The following SLC5A4 variants were observed in gnomAD, a reference collection of about 807,000 sequenced individuals.
SLC5A4 encodes the protein solute carrier family 5 member 4.
Under a neutral mutation model 70.3 loss-of-function variants are expected in SLC5A4, and 55 were observed. The observed-to-expected ratio is 0.78, with a 90% CI of 0.63 to 0.98. SLC5A4 has a LOEUF of 0.98. Among genes scored for constraint, SLC5A4 ranks in the 50% least tolerant of loss-of-function variants. The pLI, the probability that SLC5A4 is intolerant of heterozygous loss-of-function variation, is 0.00. For missense variants in SLC5A4, 735 were observed against 839.2 expected (o/e 0.88, Z 1.53); for synonymous variants, 268 against 305.7 (o/e 0.88, Z 1.29).
chr22:32,241,030 CAG>C (rs199676265), intron 5 of SLC5A4, among the ~76,000 whole-genome samples: 1,638 of 152,284 alleles, frequency 0.011, 34 homozygotes, highest in African/African-American at 0.033. Flanking sequence ...AATTAGATGA[CAG>C]GGTATTTCCG....
At chr22:32,347,327 C>T in the SLC5A4 span, among the ~76,000 whole-genome samples, 2 of 152,108 alleles carry the variant, frequency 1.3e-5, no homozygotes, top group East Asian at 3.9e-4. Context: ...ACTAGAAATA[C>T]CATTTGACCC....
intron 8 of SLC5A4, among the ~76,000 whole-genome samples, chr22:32,234,497 G>A (rs753280146): frequency 9.9e-5 from 15 of 152,090 alleles, no homozygotes; most frequent in Non-Finnish European, 2.2e-4. Context: ...TCAGGTGTTC[G>A]AGACCAGCCT....
At chr22:32,271,017 C>A in the SLC5A4 span, 8 of 541,616 alleles carry the variant, frequency 1.5e-5, no homozygotes, top group Admixed American at 2.8e-5. Context: ...GAGACTAGCC[C>A]CACAGTCGGT....
chr22:32,341,703 C>T, the SLC5A4 span, among the ~76,000 whole-genome samples: 1 of 152,144 alleles, frequency 6.6e-6, no homozygotes, highest in African/African-American at 2.4e-5. Context: ...CCTAAATGGC[C>T]CCTTATGTTC....
chr22:32,295,549 G>C, the SLC5A4 span, among the ~76,000 whole-genome samples: 3 of 105,530 alleles, frequency 2.8e-5, no homozygotes, highest in African/African-American at 1.0e-4. Flanking sequence ...GTAGATTCTG[G>C]ATATTAGCCC....
chr22:32,345,466 GT>G, the SLC5A4 span, among the ~76,000 whole-genome samples: 1 of 152,092 alleles, frequency 6.6e-6, no homozygotes, highest in Non-Finnish European at 1.5e-5. Flanking sequence ...TAGTTTGCAA[GT>G]TTTTTTCTTT....
At chr22:32,315,076 A>T in the SLC5A4 span, among the ~76,000 whole-genome samples, 2 of 152,232 alleles carry the variant, frequency 1.3e-5, no homozygotes, top group Non-Finnish European at 2.9e-5. Flanking sequence ...AAAAATGGTT[A>T]AAATGGTTAT....
intron 4 of SLC5A4, 35 bp from the exon 5 acceptor site, chr22:32,247,550 C>T (rs200355067): frequency 3.0e-6 from 4 of 1,318,838 alleles, no homozygotes; most frequent in East Asian, 2.3e-5. Flanking sequence ...ACTTAACTTA[C>T]CCTTAGGGCC....
the SLC5A4 span, among the ~76,000 whole-genome samples, chr22:32,335,949 T>G: frequency 1.3e-5 from 2 of 152,196 alleles, no homozygotes; most frequent in African/African-American, 4.8e-5. Context: ...AATGCCCGTG[T>G]TGGGAGACGT....
the SLC5A4 span, among the ~76,000 whole-genome samples, chr22:32,335,625 A>C: frequency 3.3e-5 from 5 of 152,270 alleles, no homozygotes; most frequent in African/African-American, 1.2e-4. Flanking sequence ...GCCCAAGGAC[A>C]CACAGCTGGG....
the SLC5A4 span, among the ~76,000 whole-genome samples, chr22:32,291,641 G>A: frequency 2.0e-5 from 3 of 152,012 alleles, no homozygotes; most frequent in Admixed American, 6.6e-5. Context: ...TCTTTACCAA[G>A]ATAGGCTCTT....
the SLC5A4 span, among the ~76,000 whole-genome samples, chr22:32,313,387 A>C: frequency 6.6e-6 from 1 of 152,220 alleles, no homozygotes; most frequent in Non-Finnish European, 1.5e-5. Flanking sequence ...CACCCTTGCT[A>C]TAACAAACTA....
the SLC5A4 span, among the ~76,000 whole-genome samples, chr22:32,329,432 AT>A: frequency 1.3e-5 from 2 of 151,158 alleles, no homozygotes; most frequent in African/African-American, 4.9e-5. Context: ...GCTTGAGGGA[AT>A]TTTTACTTTG....
At chr22:32,271,983 G>A in the SLC5A4 span, 2 of 609,976 alleles carry the variant, frequency 3.3e-6, no homozygotes, top group African/African-American at 3.6e-5. Context: ...CATTGAGAGA[G>A]ATGAGCAGTG....
chr22:32,276,309 T>A, the SLC5A4 span, among the ~76,000 whole-genome samples: 4 of 152,218 alleles, frequency 2.6e-5, no homozygotes, highest in African/African-American at 9.6e-5. Context: ...ATGAATGTCA[T>A]CACAGGCTCA....
the SLC5A4 span, among the ~76,000 whole-genome samples, chr22:32,318,335 T>A: frequency 6.6e-6 from 1 of 152,170 alleles, no homozygotes; most frequent in Non-Finnish European, 1.5e-5. Context: ...TCCATTCTGA[T>A]GGCCAACGTG....
At position 32,239,572 on chromosome 22, in the gene SLC5A4, ATATATATATT is replaced by A. The variant is rs1926361905; in HGVS notation, c.478-492_478-483del. Among the ~76,000 whole-genome samples the A allele has an allele frequency of 2.5e-4, 6 of 24,120 alleles. 1 individual carries two copies. The highest frequency in any genetic ancestry group is 1.7e-3 in the African/African-American group (6 of 3,602). 15.8% of individuals were successfully genotyped at this position (24,120 alleles called of 152,430 possible). ...TATATATATATATATATATATATTTATATATATATTTATATATATATAAATTATATAAAAT... is the reference window on the plus strand; with the variant it reads ...TATATATATATATATATATATATTTATATATATATATAAATTATATAAAAT... On this transcript the variant is annotated intron_variant, in intron 5 of 14. Coordinates refer to ENST00000266086, the MANE Select transcript of SLC5A4 (RefSeq NM_014227.3).
the SLC5A4 span, among the ~76,000 whole-genome samples, chr22:32,297,119 T>C: frequency 7.2e-5 from 11 of 152,054 alleles, no homozygotes; most frequent in African/African-American, 2.7e-4. Context: ...AATTCTCTTT[T>C]TTTGTTGTGT....
chr22:32,244,040 T>C (rs1437999982), intron 5 of SLC5A4, among the ~76,000 whole-genome samples: 1 of 152,182 alleles, frequency 6.6e-6, no homozygotes, highest in East Asian at 1.9e-4. Context: ...GAGACGGTTG[T>C]ATTTTTCTCT....
Sources: gnomAD v4.1 joint callset for allele counts (sites outside exome capture counted in the v4.1 genomes callset) on GRCh38, gnomAD v4.1.1 for gene constraint, MANE v1.5 for transcripts, NCBI Gene and HGNC (gene_info 2026-07-23, HGNC 2026-07-21) for gene names.